Variants in MGST1 observed in about 807,000 individuals in gnomAD.
MGST1 encodes glutathione S-transferase 12.
A neutral mutation model predicts 8.9 loss-of-function variants in MGST1; 5 were observed. The ratio of observed to expected loss-of-function variants is 0.56; its 90% CI spans 0.29 to 1.19. MGST1 has a LOEUF of 1.19. Among genes scored for constraint, MGST1 ranks in the 50% most tolerant of loss-of-function variants. The pLI, the probability that MGST1 is intolerant of heterozygous loss-of-function variation, is 0.08. For synonymous variants in MGST1, 54 were observed against 67.8 expected, an observed-to-expected ratio of 0.80 and a Z score of 1.00; for missense variants, 182 against 187.4, an observed-to-expected ratio of 0.97 and a Z score of 0.17.
chr12:16,493,807 T>G (rs2037070699), intron 4 of MGST1, among the ~76,000 whole-genome samples: 1 of 152,162 alleles, frequency 6.6e-6, no homozygotes, highest in Non-Finnish European at 1.5e-5. Context: ...ATTATTAGAA[T>G]TTTAAAATTG....
In MGST1 at chr12:16,450,839, C is replaced by CGTGT. The variant is rs66984063; in HGVS notation, n.482+67270_482+67273dup. ...GGATGGTTTTCAAATATATATATTC[C>CGTGT]GTGTGTGTGTGTGTGTGTGTGTGTG... On this transcript the variant is annotated intron_variant and non_coding_transcript_variant, in intron 4 of 4. Coordinates refer to the MGST1 transcript ENST00000538857. 1.4e-3 allele frequency among the ~76,000 whole-genome samples: 213 copies of CGTGT among 147,992 alleles called. 2 individuals are homozygous for CGTGT. In the South Asian group the frequency reaches 0.019, roughly 14 times the overall value.
intron 4 of MGST1, among the ~76,000 whole-genome samples, chr12:16,496,856 A>G (rs1035228572): frequency 1.3e-5 from 2 of 152,114 alleles, no homozygotes; most frequent in African/African-American, 4.8e-5. Flanking sequence ...GATAACAGGA[A>G]AAAAAATAAA....
chr12:16,446,338 T>C (rs1045183630), intron 4 of MGST1, among the ~76,000 whole-genome samples: 9 of 151,956 alleles, frequency 5.9e-5, no homozygotes, highest in African/African-American at 2.2e-4. Flanking sequence ...TGGGACATAG[T>C]CATCTTTTCA....
At chr12:16,473,299 A>G (rs1373540018) in intron 4 of MGST1, among the ~76,000 whole-genome samples, 1 of 152,206 alleles carries the variant, frequency 6.6e-6, no homozygotes, top group Non-Finnish European at 1.5e-5. Context: ...GCTGTTAAAC[A>G]TCCTACAACG....
At chr12:16,415,023 TCA>T (rs1491555812) in intron 1 of MGST1, among the ~76,000 whole-genome samples, 1 of 152,052 alleles carries the variant, frequency 6.6e-6, no homozygotes, top group Non-Finnish European at 1.5e-5. Context: ...AAACTTCGCC[TCA>T]AAAAATTTTT....
chr12:16,512,556 A>G (rs1054429761), intron 4 of MGST1, among the ~76,000 whole-genome samples: 1 of 152,238 alleles, frequency 6.6e-6, no homozygotes, highest in African/African-American at 2.4e-5. Flanking sequence ...AATGTTGATC[A>G]TGTTACATTA....
intron 4 of MGST1, among the ~76,000 whole-genome samples, chr12:16,569,030 GCCCCA>G: frequency 6.6e-6 from 1 of 152,068 alleles, no homozygotes; most frequent in Non-Finnish European, 1.5e-5. Context: ...AGATGACAAT[GCCCCA>G]CCTATTGTTC....
rs945195025 is a variant in MGST1 at position 16,389,062 on chromosome 12, A to C, written n.778+5458A>C. 6.6e-6 allele frequency among the ~76,000 whole-genome samples: 1 copy of C among 152,230 alleles called. No homozygotes were observed. The highest frequency in any genetic ancestry group is 1.5e-5 in the Non-Finnish European group (1 of 68,044). Reference sequence around the variant, plus strand: ...AATTAAGTTAATCTTGTAAAGTGCCACTTTGCGTATCTGAAGACAAATACA... The same window carrying C: ...AATTAAGTTAATCTTGTAAAGTGCCCCTTTGCGTATCTGAAGACAAATACA... On this transcript the variant is annotated intron_variant and non_coding_transcript_variant, in intron 1 of 1. Coordinates refer to the MGST1 transcript ENST00000359720. This position sits in a 1 kb window ranked among gnomAD's most constrained non-coding sequence, Gnocchi z 4.6.
At chr12:16,463,598 G>T (rs1012333930) in intron 4 of MGST1, among the ~76,000 whole-genome samples, 1 of 2,044 alleles carries the variant, frequency 4.9e-4, no homozygotes, top group Non-Finnish European at 3.0e-3. Context: ...AATAAAAGTT[G>T]AAGAAAAGGA....
intron 4 of MGST1, among the ~76,000 whole-genome samples, chr12:16,494,928 A>G (rs1941460682): frequency 6.6e-6 from 1 of 152,144 alleles, no homozygotes; most frequent in South Asian, 2.1e-4. Context: ...ATATATGTTT[A>G]TTGCCTTTTT....
At chr12:16,360,553 T>C (rs1307475508) in intron 3 of MGST1, 1 of 161,746 alleles carries the variant, frequency 6.2e-6, no homozygotes, top group East Asian at 1.9e-4. Context: ...TATTTATTTA[T>C]TTAATACCAT....
intron 4 of MGST1, among the ~76,000 whole-genome samples, chr12:16,558,489 T>C (rs1171104498): frequency 6.6e-6 from 1 of 152,106 alleles, no homozygotes; most frequent in Non-Finnish European, 1.5e-5. Context: ...AAAATACATA[T>C]ATACATGCAC....
chr12:16,444,456 C>A (rs1408384282), intron 4 of MGST1, among the ~76,000 whole-genome samples: 1 of 151,902 alleles, frequency 6.6e-6, no homozygotes, highest in Non-Finnish European at 1.5e-5. Flanking sequence ...TGTGCATAGA[C>A]ATAAGCACCT....
intron 4 of MGST1, among the ~76,000 whole-genome samples, chr12:16,570,086 A>G (rs578173964): frequency 1.3e-5 from 2 of 152,308 alleles, no homozygotes; most frequent in South Asian, 4.1e-4. Flanking sequence ...CAGCCACAGT[A>G]CAATTAATGC....
chr12:16,509,603 G>T (rs1371327863), intron 4 of MGST1, among the ~76,000 whole-genome samples: 2 of 152,180 alleles, frequency 1.3e-5, no homozygotes, highest in Non-Finnish European at 2.9e-5. Flanking sequence ...TAAGTTCAGA[G>T]TGGACAAACC....
rs566939802 is a variant in MGST1 at position 16,361,826 on chromosome 12, G to C, written c.222-1969G>C. Among the ~76,000 whole-genome samples the C allele has an allele frequency of 1.3e-5, 2 of 152,166 alleles. No individual in the cohort carries two copies. Among genetic ancestry groups the C allele is most frequent in the African/African-American group, 4.8e-5 (2 of 41,432 alleles). On this transcript the variant is annotated intron_variant, in intron 3 of 3. Transcript: ENST00000396210. The surrounding 1 kb of genome is among the most constrained non-coding windows in gnomAD (Gnocchi z 4.2). ...ACGAAAGAGAAAGAGAACTCAAAAG[G>C]GAGAATAAGATAAAGAGAAAATGAG...
chr12:16,477,920 T>C (rs1691160086), intron 4 of MGST1, among the ~76,000 whole-genome samples: 2 of 152,214 alleles, frequency 1.3e-5, no homozygotes, highest in African/African-American at 2.4e-5. Context: ...ATGGAAAGGG[T>C]TCACAGTGCA....
rs201057252 is a variant in MGST1 at position 16,354,112 on chromosome 12, G to T, written c.-22-119G>T. ...TAAACAATCATTTCTTCTGCAAATA[G>T]TCCAAGATATTTTTAAGAACAGTAT... On this transcript the variant is annotated intron_variant, in intron 1 of 3. Transcript: ENST00000396210. The T allele has an allele frequency of 4.5e-5, 34 of 760,126 alleles. No individual in the cohort carries two copies. In the South Asian group the frequency reaches 5.5e-4, roughly 12 times the overall value. The allele number at this position is 760,126 out of a possible 1,614,324, so 47.1% of individuals were successfully genotyped here.
downstream of MGST1, among the ~76,000 whole-genome samples, chr12:16,379,594 T>C (rs1940429885): frequency 6.6e-6 from 1 of 152,238 alleles, no homozygotes; most frequent in South Asian, 2.1e-4. Flanking sequence ...CCAAGGATAC[T>C]GGTCTAAAAT....
Sources: gnomAD v4.1 joint callset for allele counts (sites outside exome capture counted in the v4.1 genomes callset) on GRCh38, gnomAD v4.1.1 for gene constraint, Gnocchi (gnomAD v3.1) non-coding constraint, MANE v1.5 for transcripts, NCBI Gene and HGNC (gene_info 2026-07-23, HGNC 2026-07-21) for gene names.